Variants in IL2RA observed in about 807,000 individuals in gnomAD.
IL2RA encodes interleukin 2 receptor subunit alpha.
A neutral mutation model predicts 37.8 loss-of-function variants in IL2RA; 24 were observed. That is an observed-to-expected ratio of 0.63 (90% CI 0.46 to 0.89). The LOEUF (loss-of-function observed/expected upper bound fraction) is 0.89. Among genes scored for constraint, IL2RA ranks in the 40% least tolerant of loss-of-function variants. The pLI is 0.00. For synonymous variants in IL2RA, 125 were observed against 114.6 expected (o/e 1.09, Z -0.58); for missense variants, 319 against 348.6 (o/e 0.92, Z 0.68).
chr10:6,051,834 T>TATATATATATATATATATATATATAA (rs1839966584), intron 1 of IL2RA, among the ~76,000 whole-genome samples: 1 of 119,616 alleles, frequency 8.4e-6, no homozygotes, highest in African/African-American at 3.1e-5. Context: ...TATATATATA[T>TATATATATATATATATATATATATAA]ATATATATAG....
intron 1 of IL2RA, among the ~76,000 whole-genome samples, chr10:6,061,654 A>G (rs181337065): frequency 6.6e-6 from 1 of 152,322 alleles, no homozygotes; most frequent in Non-Finnish European, 1.5e-5. Flanking sequence ...TGTTTGATAT[A>G]TGAGTACTCA....
At chr10:6,049,320 G>A (rs1020971489) in intron 1 of IL2RA, among the ~76,000 whole-genome samples, 3 of 152,186 alleles carry the variant, frequency 2.0e-5, no homozygotes, top group South Asian at 2.1e-4. Context: ...GTCCTCTATG[G>A]TTGGATGATC....
chr10:6,017,263 C>T (rs1839293754), intron 7 of IL2RA: 1 of 152,342 alleles, frequency 6.6e-6, no homozygotes, highest in Non-Finnish European at 1.5e-5. Context: ...AAGGGGATGC[C>T]GGTGTGAGCT....
Position 6,019,470 on chromosome 10 carries a change from T to C in IL2RA, c.685A>G (p.Thr229Ala). The change falls in exon 6 of 8, where the codon ACC becomes GCC. Residue 229 changes from threonine (T) to alanine (A), a missense_variant. Physicochemically the swap from Thr to Ala is moderately conservative, Grantham distance 58. Coordinates refer to ENST00000379959, the MANE Select transcript of IL2RA (RefSeq NM_000417.3). ...DFQIQTEMAA[T>A]METSIFTTEY... ...GTTGTAAATATGGACGTCTCCATGG[T>C]TGCAGCCATTTCTGTCTGTATTTGA... 1 of 1,613,520 alleles carries C rather than the reference T, an allele frequency of 6.2e-7. No homozygotes were observed. The highest frequency in any genetic ancestry group is 8.5e-7 in the Non-Finnish European group (1 of 1,179,392).
chr10:6,062,174 C>T lies in IL2RA; in HGVS notation c.-23G>A, dbSNP rs778855179. The T allele has an allele frequency of 6.2e-7, 1 of 1,609,680 alleles. No individual in the cohort carries two copies. The highest frequency in any genetic ancestry group is 2.2e-5 in the East Asian group (1 of 44,832). ...CATCTTCCTGACCCTTGGGACCAGC[C>T]GGGGCAGTGAAGCGGAGGTCTTTCT... On this transcript the variant is annotated 5_prime_UTR_variant, in exon 1 of 8. Transcript: ENST00000379959.
chr10:6,010,693 T>A lies in IL2RA; in HGVS notation c.*2179A>T, dbSNP rs1020985543. Reference sequence around the variant, plus strand: ...ATTTATAATAAAAACCAAGACTTTTTAAAAAATATCATTTATTCTTTTATA... The same window carrying A: ...ATTTATAATAAAAACCAAGACTTTTAAAAAAATATCATTTATTCTTTTATA... On this transcript the variant is annotated 3_prime_UTR_variant, in exon 8 of 8. Transcript: ENST00000379959. 1 of 152,108 alleles carries A rather than the reference T, an allele frequency of 6.6e-6. No individual in the cohort carries two copies. The highest frequency in any genetic ancestry group is 1.5e-5 in the Non-Finnish European group (1 of 68,018). The allele number at this position is 152,108 out of a possible 1,614,324, so 9.4% of individuals were successfully genotyped here.
At position 6,029,242 on chromosome 10, in the gene IL2RA, GCAA is replaced by G. The variant is rs1839537245; in HGVS notation, c.65-3220_65-3218del. Among the ~76,000 whole-genome samples, 1 of 150,858 alleles carries G rather than the reference GCAA, an allele frequency of 6.6e-6. No individual in the cohort carries two copies. Among genetic ancestry groups the G allele is most frequent in the East Asian group, 2.0e-4 (1 of 5,090 alleles). Reference sequence around the variant, plus strand: ...TGCAATGGTGCAATCTTGACTCACTGCAACCTCTGCCCCCCGGGTTCAAGCGAT... The same window carrying G: ...TGCAATGGTGCAATCTTGACTCACTGCCTCTGCCCCCCGGGTTCAAGCGAT... On this transcript the variant is annotated intron_variant, in intron 1 of 7. Transcript: ENST00000379959. This position sits in a 1 kb window ranked among gnomAD's most constrained non-coding sequence, Gnocchi z 4.6.
At position 6,028,652 on chromosome 10, in the gene IL2RA, G is replaced by A. The variant is rs1439970124; in HGVS notation, c.65-2627C>T. ...TTAAAAGAAAATCTAGACATGTGAA[G>A]AAACAGGAAAATGTGACATACTTGA... On this transcript the variant is annotated intron_variant, in intron 1 of 7. Coordinates refer to ENST00000379959, the MANE Select transcript of IL2RA (RefSeq NM_000417.3). This position sits in a 1 kb window ranked among gnomAD's most constrained non-coding sequence, Gnocchi z 4.1. 1.3e-5 allele frequency among the ~76,000 whole-genome samples: 2 copies of A among 152,124 alleles called. No individual in the cohort carries two copies. The highest frequency in any genetic ancestry group is 2.9e-5 in the Non-Finnish European group (2 of 68,016).
rs148729900 is a variant in IL2RA, at chr10:6,058,477, C to A, written c.64+3611G>T. ...TAGGAAAGCCCTTACAGCCTCAAGA[C>A]ATGTCTTGAAGATGAATGAAGTAAC... On this transcript the variant is annotated intron_variant, in intron 1 of 7. Transcript: ENST00000379959. This position sits in a 1 kb window ranked among gnomAD's most constrained non-coding sequence, Gnocchi z 4.2. Among the ~76,000 whole-genome samples the A allele has an allele frequency of 1.0e-3, 153 of 152,294 alleles. 1 individual carries two copies. Among genetic ancestry groups the A allele is most frequent in the Non-Finnish European group, 1.8e-3 (122 of 68,030 alleles).
Position 6,010,992 on chromosome 10 carries a change from G to A in IL2RA, c.*1880C>T, listed in dbSNP as rs12722607. On this transcript the variant is annotated 3_prime_UTR_variant, in exon 8 of 8. Transcript: ENST00000379959. ...TTACTCAGAAAACATATACCTGAAGGGGGAGGGGGAGAGTGCACAGATGAG... is the reference window on the plus strand; with the variant it reads ...TTACTCAGAAAACATATACCTGAAGAGGGAGGGGGAGAGTGCACAGATGAG... 1.3e-5 allele frequency: 2 copies of A among 152,206 alleles called. No homozygotes were observed. The highest frequency in any genetic ancestry group is 6.6e-5 in the Admixed American group (1 of 15,254). The allele number at this position is 152,206 out of a possible 1,614,324, so 9.4% of individuals were successfully genotyped here.
Position 6,022,713 on chromosome 10 carries a change from G to A in IL2RA, c.368-1020C>T, listed in dbSNP as rs560572439. Among the ~76,000 whole-genome samples the A allele has an allele frequency of 1.4e-4, 21 of 152,334 alleles. No individual in the cohort carries two copies. The highest frequency in any genetic ancestry group is 5.1e-4 in the African/African-American group (21 of 41,576). ...GGTTGTTTGACAGCCAGTACAATTC[G>A]TAACTGTCTGAACATGTTTGAATTG... On this transcript the variant is annotated intron_variant, in intron 3 of 7. Coordinates refer to ENST00000379959, the MANE Select transcript of IL2RA (RefSeq NM_000417.3). The surrounding 1 kb of genome is among the most constrained non-coding windows in gnomAD (Gnocchi z 4.7).
chr10:6,051,960 C>T (rs377340011), intron 1 of IL2RA, among the ~76,000 whole-genome samples: 8 of 150,796 alleles, frequency 5.3e-5, no homozygotes, highest in Admixed American at 1.3e-4. Flanking sequence ...GATTGGAGAA[C>T]GGTTCACATG....
chr10:6,062,082 C>A lies in IL2RA; in HGVS notation c.64+6G>T. The stretch of plus-strand genomic sequence containing the variant: ...CGGAATTCCGGGGGCACCCACAGGC[C>A]CTTACCTGCCTGGCAGCCAGGCACC... On this transcript the variant is annotated splice_donor_region_variant and intron_variant, in intron 1 of 7. Coordinates refer to ENST00000379959, the MANE Select transcript of IL2RA (RefSeq NM_000417.3). 3.1e-6 allele frequency: 5 copies of A among 1,613,232 alleles called. No homozygotes were observed. Among genetic ancestry groups the A allele is most frequent in the Non-Finnish European group, 4.2e-6 (5 of 1,179,190 alleles).
chr10:6,040,671 G>C (rs1564549053), intron 1 of IL2RA, among the ~76,000 whole-genome samples: 1 of 152,036 alleles, frequency 6.6e-6, no homozygotes, highest in Non-Finnish European at 1.5e-5. Context: ...CTTCCCCAAA[G>C]ACACTCAAGG....
chr10:6,011,019 CTGTT>C lies in IL2RA; in HGVS notation c.*1849_*1852del, dbSNP rs1183198482. On this transcript the variant is annotated 3_prime_UTR_variant, in exon 8 of 8. Coordinates refer to ENST00000379959, the MANE Select transcript of IL2RA (RefSeq NM_000417.3). The surrounding 1 kb of genome is among the most constrained non-coding windows in gnomAD (Gnocchi z 5.2). ...GGAGGGGGAGAGTGCACAGATGAGT[CTGTT>C]TGTATGTGGTTGGTCACAGAAATGA... is the stretch of plus-strand genomic sequence containing the variant. The C allele has an allele frequency of 6.6e-6, 1 of 152,246 alleles. No homozygotes were observed. The highest frequency in any genetic ancestry group is 1.5e-5 in the Non-Finnish European group (1 of 68,024). The allele number at this position is 152,246 out of a possible 1,614,324, so 9.4% of individuals were successfully genotyped here. A position where few individuals can be genotyped will look rare whatever the true frequency, so the allele number is the denominator to read the frequency against.
In IL2RA at chr10:6,028,632, A is replaced by G. The variant is rs942823699; in HGVS notation, c.65-2607T>C. Among the ~76,000 whole-genome samples the G allele has an allele frequency of 6.6e-6, 1 of 152,248 alleles. No homozygotes were observed. The highest frequency in any genetic ancestry group is 2.1e-4 in the South Asian group (1 of 4,832). On this transcript the variant is annotated intron_variant, in intron 1 of 7. Transcript: ENST00000379959. This position sits in a 1 kb window ranked among gnomAD's most constrained non-coding sequence, Gnocchi z 4.1. ...AGCTCATAATATCCAGCAAATTAAA[A>G]GAAAATCTAGACATGTGAAGAAACA...
In IL2RA at chr10:6,025,761, A is replaced by AACAAAAGC. The variant is rs1191407754; in HGVS notation, c.256+65_256+72dup. On this transcript the variant is annotated intron_variant, in intron 2 of 7. Coordinates refer to ENST00000379959, the MANE Select transcript of IL2RA (RefSeq NM_000417.3). The surrounding 1 kb of genome is among the most constrained non-coding windows in gnomAD (Gnocchi z 4.4). ...CCATTTGTGTCTATAGGGCTGAGTG[A>AACAAAAGC]ACAAAAGCTGGGCTCTGTCTCACTC... 5 of 1,452,682 alleles carry AACAAAAGC rather than the reference A, an allele frequency of 3.4e-6. No individual in the cohort carries two copies. The African/African-American group carries it at 5.6e-5, about 16-fold the overall frequency. 90.0% of individuals were successfully genotyped at this position (1,452,682 alleles called of 1,614,324 possible). A position where few individuals can be genotyped will look rare whatever the true frequency, so the allele number is the denominator to read the frequency against.
chr10:6,014,497 A>G lies in IL2RA; in HGVS notation c.795-1601T>C, dbSNP rs1433345890. ...AGGTTCACACAGTTATTTGTTTCAC[A>G]ACATAAACACTGAACCATTCCTACT... On this transcript the variant is annotated intron_variant, in intron 7 of 7. Transcript: ENST00000379959. This position sits in a 1 kb window ranked among gnomAD's most constrained non-coding sequence, Gnocchi z 4.4. Among the ~76,000 whole-genome samples the G allele has an allele frequency of 6.6e-6, 1 of 152,228 alleles. No homozygotes were observed. Among genetic ancestry groups the G allele is most frequent in the African/African-American group, 2.4e-5 (1 of 41,456 alleles).
chr10:6,016,553 A>G (rs1245326517), intron 7 of IL2RA, among the ~76,000 whole-genome samples: 3 of 152,060 alleles, frequency 2.0e-5, no homozygotes, highest in South Asian at 2.1e-4. Flanking sequence ...CTGGAGCCCA[A>G]TCATTGATAT....
Sources: allele counts gnomAD v4.1 joint callset (sites outside exome capture counted in the v4.1 genomes callset), GRCh38; gene constraint gnomAD v4.1.1; non-coding constraint Gnocchi (gnomAD v3.1); transcripts MANE v1.5; gene names NCBI Gene and HGNC (gene_info 2026-07-23, HGNC 2026-07-21).